Variants in ADGRL3 observed in about 807,000 individuals in gnomAD.
ADGRL3 encodes the protein calcium-independent alpha-latrotoxin receptor 3.
Under a neutral mutation model 153.5 loss-of-function variants are expected in ADGRL3, and 62 were observed. The observed-to-expected ratio is 0.40, with a 90% confidence interval of 0.33 to 0.50. The LOEUF is 0.50. Among genes scored for constraint, ADGRL3 ranks in the 20% least tolerant of loss-of-function variants. The pLI, the probability that ADGRL3 is intolerant of heterozygous loss-of-function variation, is 0.47. For missense variants in ADGRL3, 1,641 were observed against 1,859.4 expected (o/e 0.88, Z 2.16); for synonymous variants, 710 against 672.5 (o/e 1.06, Z -0.86).
At chr4:61,738,838 CTT>C (rs2096549874) in intron 8 of ADGRL3, among the ~76,000 whole-genome samples, 1 of 152,100 alleles carries the variant, frequency 6.6e-6, no homozygotes. Context: ...TTTCAATTGA[CTT>C]TTTAAACTTG....
chr4:61,847,140 A>G (rs1043544313), intron 9 of ADGRL3, among the ~76,000 whole-genome samples: 3 of 151,972 alleles, frequency 2.0e-5, no homozygotes, highest in Non-Finnish European at 2.9e-5. Flanking sequence ...ATATTCAACT[A>G]TTCATATTAT....
At chr4:61,657,571 AAG>A (rs2094475542) in intron 5 of ADGRL3, among the ~76,000 whole-genome samples, 1 of 152,082 alleles carries the variant, frequency 6.6e-6, no homozygotes, top group African/African-American at 2.4e-5. Flanking sequence ...ATTTAACACC[AAG>A]AGTCAACAAA....
At chr4:61,249,775 T>C (rs7693382) in intron 1 of ADGRL3, among the ~76,000 whole-genome samples, 3,190 of 152,278 alleles carry the variant, frequency 0.021, 101 homozygotes, top group African/African-American at 0.07. Flanking sequence ...GTCACTGTTA[T>C]TTTCAATTTC....
intron 1 of ADGRL3, among the ~76,000 whole-genome samples, chr4:61,247,203 C>T (rs186730215): frequency 6.6e-6 from 1 of 151,976 alleles, no homozygotes; most frequent in East Asian, 1.9e-4. Context: ...ATTGAGTTCT[C>T]ATAAAGTTTC....
intron 1 of ADGRL3, among the ~76,000 whole-genome samples, chr4:61,220,246 G>T (rs1744851459): frequency 6.6e-6 from 1 of 152,100 alleles, no homozygotes. Flanking sequence ...TAGGGGCTTA[G>T]TATATTAGAT....
chr4:61,390,411 T>C (rs1165858353), intron 2 of ADGRL3, among the ~76,000 whole-genome samples: 1 of 152,178 alleles, frequency 6.6e-6, no homozygotes, highest in African/African-American at 2.4e-5. Context: ...TCAAGGATGC[T>C]ACGTTGAATA....
intron 5 of ADGRL3, among the ~76,000 whole-genome samples, chr4:61,636,490 G>C (rs1477267396): frequency 1.3e-5 from 2 of 152,006 alleles, no homozygotes; most frequent in African/African-American, 4.8e-5. Flanking sequence ...TGTCAACCTA[G>C]AATTAATACT....
At chr4:61,439,181 A>G (rs906511756) in intron 2 of ADGRL3, among the ~76,000 whole-genome samples, 18 of 152,206 alleles carry the variant, frequency 1.2e-4, no homozygotes, top group African/African-American at 3.9e-4. Flanking sequence ...GCATCTCATA[A>G]AAGAGGCTTC....
intron 2 of ADGRL3, among the ~76,000 whole-genome samples, chr4:61,480,705 C>T (rs774226503): frequency 6.6e-6 from 1 of 152,008 alleles, no homozygotes; most frequent in Non-Finnish European, 1.5e-5. Flanking sequence ...ATCTCTTGAA[C>T]CCAGGAGGCA....
intron 1 of ADGRL3, among the ~76,000 whole-genome samples, chr4:61,253,432 G>A (rs943367081): frequency 3.9e-5 from 6 of 152,054 alleles, no homozygotes; most frequent in African/African-American, 1.4e-4. Context: ...TTGGAGGTAG[G>A]TAACCAGTAT....
intron 2 of ADGRL3, among the ~76,000 whole-genome samples, chr4:61,446,443 G>T (rs1413936381): frequency 1.3e-5 from 2 of 152,152 alleles, no homozygotes; most frequent in Admixed American, 6.5e-5. Flanking sequence ...AATGTCATAT[G>T]TTTTAAGAAT....
At chr4:62,010,824 T>C (rs916914017) in intron 21 of ADGRL3, among the ~76,000 whole-genome samples, 2 of 152,120 alleles carry the variant, frequency 1.3e-5, no homozygotes, top group Non-Finnish European at 2.9e-5. Flanking sequence ...AATCCAGTTA[T>C]GATTCAGGGA....
At chr4:61,270,043 A>G (rs1272669380) in intron 1 of ADGRL3, among the ~76,000 whole-genome samples, 1 of 151,710 alleles carries the variant, frequency 6.6e-6, no homozygotes, top group Non-Finnish European at 1.5e-5. Context: ...TACTATATAT[A>G]AAAAACAATA....
chr4:61,985,743 T>C (rs2099082988), intron 19 of ADGRL3, among the ~76,000 whole-genome samples: 1 of 152,146 alleles, frequency 6.6e-6, no homozygotes. Context: ...AGAAGACTTA[T>C]TCCCGTTGAG....
intron 9 of ADGRL3, among the ~76,000 whole-genome samples, chr4:61,844,314 G>A (rs1053780153): frequency 5.9e-5 from 9 of 151,294 alleles, no homozygotes; most frequent in African/African-American, 2.2e-4. Flanking sequence ...TTGGGAGGCT[G>A]AGGTGGGTGG....
intron 5 of ADGRL3, among the ~76,000 whole-genome samples, chr4:61,609,456 A>G (rs192832075): frequency 6.6e-6 from 1 of 152,222 alleles, no homozygotes; most frequent in African/African-American, 2.4e-5. Context: ...ATTAATTTTC[A>G]TGGCTATTAA....
chr4:62,056,062 A>G (rs867104021), intron 25 of ADGRL3, among the ~76,000 whole-genome samples: 3 of 151,704 alleles, frequency 2.0e-5, no homozygotes, highest in Non-Finnish European at 3.0e-5. Context: ...TCTTAAAAAA[A>G]TTTTGAAAAT....
intron 2 of ADGRL3, among the ~76,000 whole-genome samples, chr4:61,476,190 G>A (rs2098047202): frequency 1.3e-5 from 2 of 151,990 alleles, no homozygotes; most frequent in Admixed American, 1.3e-4. Flanking sequence ...AAATATTCTT[G>A]TGTATTAATA....
intron 17 of ADGRL3, among the ~76,000 whole-genome samples, chr4:61,954,673 A>G (rs952016530): frequency 6.6e-6 from 1 of 151,988 alleles, no homozygotes; most frequent in Non-Finnish European, 1.5e-5. Flanking sequence ...CCACAAAAAC[A>G]TCAGATGTGT....
Sources: allele counts gnomAD v4.1 joint callset (sites outside exome capture counted in the v4.1 genomes callset), GRCh38; gene constraint gnomAD v4.1.1; transcripts MANE v1.5; gene names NCBI Gene and HGNC (gene_info 2026-07-23, HGNC 2026-07-21).